The following KDM2B variants were observed in gnomAD, a reference collection of about 807,000 sequenced individuals.
KDM2B encodes the protein lysine-specific demethylase 2B.
In KDM2B, 26 loss-of-function variants were observed where a neutral mutation model predicts 150.0. The observed-to-expected ratio is 0.17, with a 90% CI of 0.13 to 0.24. KDM2B has a LOEUF of 0.24. KDM2B is among the 10% of genes least tolerant of loss of function. The pLI is 1.00. For missense variants in KDM2B, 1,265 were observed against 1,816.9 expected (o/e 0.70, Z 5.52); for synonymous variants, 734 against 729.5 (o/e 1.01, Z -0.10).
intron 1 of KDM2B, 87 bp downstream of exon 1, chr12:121,580,699 A>G (rs955029929): frequency 2.4e-5 from 34 of 1,424,680 alleles, no homozygotes; most frequent in Middle Eastern, 1.9e-4. Flanking sequence ...GGCACCCCCA[A>G]AAACGACCCC....
chr12:121,553,502 C>T (rs1889672362), intron 4 of KDM2B, among the ~76,000 whole-genome samples: 1 of 152,310 alleles, frequency 6.6e-6, no homozygotes, highest in African/African-American at 2.4e-5. Flanking sequence ...CCAGCGGAGC[C>T]TCCAGCCTGT....
downstream of KDM2B, among the ~76,000 whole-genome samples, chr12:121,427,461 G>C (rs1280484398): frequency 6.6e-6 from 1 of 152,198 alleles, no homozygotes. Flanking sequence ...AGAATTGCTT[G>C]AACCTGGGAG....
At chr12:121,516,515 A>C in intron 9 of KDM2B, 1 of 1,412,252 alleles carries the variant, frequency 7.1e-7, no homozygotes, top group Non-Finnish European at 9.3e-7. Flanking sequence ...GGTTTCAGCC[A>C]CATGCCTGGG....
intron 12 of KDM2B, 133 bp downstream of exon 12, chr12:121,494,446 A>C: frequency 1.6e-6 from 1 of 624,192 alleles, no homozygotes; most frequent in Non-Finnish European, 2.8e-6. Context: ...AATCACCAAA[A>C]TCCTTCATCT....
chr12:121,531,110 CG>C (rs1451253194), intron 8 of KDM2B, among the ~76,000 whole-genome samples: 2 of 151,958 alleles, frequency 1.3e-5, no homozygotes, highest in African/African-American at 4.8e-5. Flanking sequence ...ACCTCCTTCC[CG>C]AGTCTCCACT....
intron 6 of KDM2B, among the ~76,000 whole-genome samples, chr12:121,545,903 C>T (rs1267882225): frequency 2.0e-5 from 3 of 151,938 alleles, no homozygotes; most frequent in African/African-American, 7.3e-5. Context: ...CCCTCCCCAC[C>T]ATCCCAAGTC....
At chr12:121,559,903 C>CAAAGAAAAAAAAAAAAAA (rs1890214995) in intron 4 of KDM2B, among the ~76,000 whole-genome samples, 1 of 66,500 alleles carries the variant, frequency 1.5e-5, no homozygotes, top group Non-Finnish European at 3.2e-5. Context: ...AACTCCATCT[C>CAAAGAAAAAAAAAAAAAA]AAAAAAAAAA....
intron 11 of KDM2B, among the ~76,000 whole-genome samples, chr12:121,498,696 T>C (rs1262254244): frequency 6.6e-6 from 1 of 152,172 alleles, no homozygotes; most frequent in African/African-American, 2.4e-5. Context: ...AATATCAGAT[T>C]GGAGTCTAAC....
chr12:121,437,181 C>T (rs1245879008), intron 22 of KDM2B, among the ~76,000 whole-genome samples: 9 of 151,468 alleles, frequency 5.9e-5, no homozygotes, highest in Non-Finnish European at 1.5e-5. Flanking sequence ...AGGCAGCTCT[C>T]GTACAAAAAC....
Position 121,486,761 on chromosome 12 carries a change from T to C in KDM2B, c.1734+7818A>G, listed in dbSNP as rs370236598. On this transcript the variant is annotated intron_variant, in intron 12 of 22. Transcript: ENST00000377071. The stretch of plus-strand genomic sequence containing the variant: ...AAGGTTGCACCACTGCACTCCAGCC[T>C]GGGTGACACAGTGAGAATCTGTCTC... Among the ~76,000 whole-genome samples, 23 of 152,020 alleles carry C rather than the reference T, an allele frequency of 1.5e-4. No individual in the cohort carries two copies. In the South Asian group the frequency reaches 4.6e-3, roughly 30 times the overall value.
chr12:121,453,339 C>T lies in KDM2B; in HGVS notation c.1740G>A (p.Arg580=), dbSNP rs782203219. The change falls in exon 13 of 23, where the codon CGG becomes CGA. Residue 580 remains arginine (R), a synonymous_variant. Transcript: ENST00000377071. This position sits in a 1 kb window ranked among gnomAD's most constrained non-coding sequence, Gnocchi z 6.4. The part of the protein sequence containing the change: ...VTWPKKTPKN[R]AVGRPKGKLG... ...GCTTCCCCTTGGGCCGACCCACAGCCCGGTTCTGCAGGGGAACAGACACGA... is the reference window on the plus strand; with the variant it reads ...GCTTCCCCTTGGGCCGACCCACAGCTCGGTTCTGCAGGGGAACAGACACGA... 1.3e-6 allele frequency: 2 copies of T among 1,573,752 alleles called. No individual in the cohort carries two copies. The highest frequency in any genetic ancestry group is 1.2e-5 in the South Asian group (1 of 86,202).
chr12:121,549,010 G>A lies in KDM2B; in HGVS notation c.577-27C>T. 3 of 1,570,766 alleles carry A rather than the reference G, an allele frequency of 1.9e-6. No homozygotes were observed. Among genetic ancestry groups the A allele is most frequent in the Non-Finnish European group, 2.6e-6 (3 of 1,140,752 alleles). On this transcript the variant is annotated intron_variant, in intron 5 of 22. Transcript: ENST00000377071. This position sits in a 1 kb window ranked among gnomAD's most constrained non-coding sequence, Gnocchi z 4.4. ...TGAAAGCCAGACCAGTGTGAGCACT[G>A]CATTTCTCCACTGCCGAGCCAGACA...
intron 4 of KDM2B, among the ~76,000 whole-genome samples, chr12:121,567,734 G>A (rs1418495831): frequency 1.4e-4 from 19 of 134,786 alleles, no homozygotes; most frequent in African/African-American, 1.7e-4. Flanking sequence ...TTTTTGAGAC[G>A]GAGTCTCACT....
At chr12:121,411,208 G>A in the KDM2B span, among the ~76,000 whole-genome samples, 2 of 152,122 alleles carry the variant, frequency 1.3e-5, no homozygotes, top group Non-Finnish European at 2.9e-5. Flanking sequence ...GATTACAGGT[G>A]TGAGCCACCA....
intron 4 of KDM2B, among the ~76,000 whole-genome samples, chr12:121,564,419 C>CT (rs1386986583): frequency 6.6e-6 from 1 of 152,106 alleles, no homozygotes; most frequent in Non-Finnish European, 1.5e-5. Flanking sequence ...GATGGCGCCA[C>CT]TGCACTTCAG....
intron 12 of KDM2B, among the ~76,000 whole-genome samples, chr12:121,460,072 T>G (rs1249032941): frequency 6.6e-6 from 1 of 152,208 alleles, no homozygotes; most frequent in African/African-American, 2.4e-5. Context: ...GAAAAGATGC[T>G]TAACATCACT....
chr12:121,553,902 G>A (rs1246411379), intron 4 of KDM2B, among the ~76,000 whole-genome samples: 1 of 152,108 alleles, frequency 6.6e-6, no homozygotes, highest in African/African-American at 2.4e-5. Flanking sequence ...CTGAAAACAA[G>A]TGAATTGTGG....
At chr12:121,550,155 C>CA (rs782723377) in intron 4 of KDM2B, among the ~76,000 whole-genome samples, 5 of 152,020 alleles carry the variant, frequency 3.3e-5, no homozygotes, top group African/African-American at 4.8e-5. Context: ...ACTAAAAATA[C>CA]AAAAAATAGC....
intron 8 of KDM2B, among the ~76,000 whole-genome samples, chr12:121,526,446 C>T (rs1398143830): frequency 6.6e-6 from 1 of 152,150 alleles, no homozygotes; most frequent in African/African-American, 2.4e-5. Flanking sequence ...TCTCCTGACT[C>T]CCAAGCTACT....
Sources: allele counts gnomAD v4.1 joint callset (sites outside exome capture counted in the v4.1 genomes callset), GRCh38; gene constraint gnomAD v4.1.1; non-coding constraint Gnocchi (gnomAD v3.1); transcripts MANE v1.5; gene names NCBI Gene and HGNC (gene_info 2026-07-23, HGNC 2026-07-21).